Variants in ADCY2 observed in about 807,000 individuals in gnomAD.
ADCY2 encodes adenylate cyclase 2, also known as adenylate cyclase type 2.
In ADCY2, 31 loss-of-function variants were observed where a neutral mutation model predicts 125.2. The ratio of observed to expected loss-of-function variants is 0.25; its 90% CI spans 0.19 to 0.33. The LOEUF (loss-of-function observed/expected upper bound fraction) is 0.33, where lower values mean the gene tolerates loss of function less well. ADCY2 is among the 10% of genes least tolerant of loss of function. The pLI is 1.00. For synonymous variants in ADCY2, 512 were observed against 548.4 expected (o/e 0.93, Z 0.93); for missense variants, 904 against 1,418.2 (o/e 0.64, Z 5.82).
chr5:7,792,058 C>G (rs16879108), intron 20 of ADCY2, among the ~76,000 whole-genome samples: 49,935 of 151,572 alleles, frequency 0.33, 8,568 homozygotes, highest in Admixed American at 0.46. Flanking sequence ...CTGGAGCAGG[C>G]AGGAAGAGAG....
chr5:7,624,949 C>G (rs1167050822), intron 3 of ADCY2, among the ~76,000 whole-genome samples: 2 of 152,212 alleles, frequency 1.3e-5, no homozygotes, highest in Non-Finnish European at 2.9e-5. Context: ...TTGCCATGAA[C>G]ACACAAGAGC....
intron 11 of ADCY2, among the ~76,000 whole-genome samples, chr5:7,714,636 A>G (rs1052236791): frequency 6.6e-6 from 1 of 152,240 alleles, no homozygotes; most frequent in Admixed American, 6.5e-5. Flanking sequence ...GCAGAGCACA[A>G]GTTCCTAACT....
At chr5:7,553,620 C>T (rs530473447) in intron 3 of ADCY2, among the ~76,000 whole-genome samples, 8 of 152,310 alleles carry the variant, frequency 5.3e-5, no homozygotes, top group African/African-American at 1.9e-4. Context: ...AGAAGCATCA[C>T]CAAGACCCTG....
intron 3 of ADCY2, among the ~76,000 whole-genome samples, chr5:7,600,559 T>C (rs1392109559): frequency 2.0e-5 from 3 of 152,116 alleles, no homozygotes; most frequent in African/African-American, 7.2e-5. Flanking sequence ...AAGGCTGTAC[T>C]TAGTGACTTG....
intron 2 of ADCY2, among the ~76,000 whole-genome samples, chr5:7,446,691 C>T (rs1380338635): frequency 1.3e-5 from 2 of 152,174 alleles, no homozygotes; most frequent in Non-Finnish European, 2.9e-5. Flanking sequence ...AGTCAGCATT[C>T]TTGGTCTCAG....
intron 3 of ADCY2, among the ~76,000 whole-genome samples, chr5:7,618,951 C>T (rs1737856168): frequency 6.6e-6 from 1 of 152,076 alleles, no homozygotes; most frequent in Non-Finnish European, 1.5e-5. Context: ...CCTGTTGTGT[C>T]ATTACTTTGG....
At chr5:7,821,641 A>G (rs982720719) in intron 24 of ADCY2, among the ~76,000 whole-genome samples, 1 of 152,260 alleles carries the variant, frequency 6.6e-6, no homozygotes, top group Non-Finnish European at 1.5e-5. Flanking sequence ...GTTAGCCACC[A>G]GAAGTCACAG....
intron 1 of ADCY2, among the ~76,000 whole-genome samples, chr5:7,402,958 G>T (rs564184450): frequency 6.6e-6 from 1 of 152,204 alleles, no homozygotes; most frequent in East Asian, 1.9e-4. Flanking sequence ...TGGGAGCCCT[G>T]CCTGCAAGAT....
chr5:7,543,681 G>C (rs1382515791), intron 3 of ADCY2, among the ~76,000 whole-genome samples: 1 of 152,056 alleles, frequency 6.6e-6, no homozygotes, highest in Non-Finnish European at 1.5e-5. Flanking sequence ...AACCAAGGGA[G>C]AGATGCACTC....
chr5:7,804,573 A>G lies in ADCY2; in HGVS notation c.2776-12A>G, dbSNP rs368758758. 8.1e-6 allele frequency: 13 copies of G among 1,608,958 alleles called. No homozygotes were observed. Among genetic ancestry groups the G allele is most frequent in the Non-Finnish European group, 8.5e-7 (1 of 1,175,374 alleles). Reference sequence around the variant, plus strand: ...CCAGCTGAGTAACTGGACGGTTGTCATTGCTTCACAGCTTCTTTCCAAGCC... The same window carrying G: ...CCAGCTGAGTAACTGGACGGTTGTCGTTGCTTCACAGCTTCTTTCCAAGCC... On this transcript the variant is annotated splice_polypyrimidine_tract_variant and intron_variant, in intron 21 of 24. Coordinates refer to ENST00000338316, the MANE Select transcript of ADCY2 (RefSeq NM_020546.3).
intron 3 of ADCY2, among the ~76,000 whole-genome samples, chr5:7,581,465 C>T (rs1561107495): frequency 6.6e-6 from 1 of 151,474 alleles, no homozygotes; most frequent in Non-Finnish European, 1.5e-5. Flanking sequence ...GGTATAGCTG[C>T]AAATCCAATC....
chr5:7,743,102 T>G (rs980660286), intron 14 of ADCY2, among the ~76,000 whole-genome samples: 1 of 152,172 alleles, frequency 6.6e-6, no homozygotes, highest in Admixed American at 6.5e-5. Context: ...CACATGATCA[T>G]GGGATGCTTT....
chr5:7,624,544 C>A (rs893606794), intron 3 of ADCY2, among the ~76,000 whole-genome samples: 8 of 152,134 alleles, frequency 5.3e-5, no homozygotes, highest in Non-Finnish European at 8.8e-5. Flanking sequence ...GGGTAAGATG[C>A]AGAGGGTTCA....
At chr5:7,537,376 C>T (rs868057091) in intron 3 of ADCY2, among the ~76,000 whole-genome samples, 14 of 152,178 alleles carry the variant, frequency 9.2e-5, no homozygotes, top group South Asian at 6.2e-4. Flanking sequence ...TTAAGCATTT[C>T]CCAAAGTCAA....
chr5:7,507,268 C>G (rs1395869406), intron 2 of ADCY2, among the ~76,000 whole-genome samples: 1 of 145,200 alleles, frequency 6.9e-6, no homozygotes, highest in Non-Finnish European at 1.5e-5. Context: ...GGTGAAACCC[C>G]GTCTCTACTA....
At position 7,664,599 on chromosome 5, in the gene ADCY2, A is replaced by G. The variant is rs11948440; in HGVS notation, c.721-26092A>G. Among the ~76,000 whole-genome samples, 653 of 152,330 alleles carry G rather than the reference A, an allele frequency of 4.3e-3. 5 individuals carry two copies. The highest frequency in any genetic ancestry group is 0.014 in the African/African-American group (574 of 41,580). On this transcript the variant is annotated intron_variant, in intron 4 of 24. Transcript: ENST00000338316. ...CCTGTATATCATGACTTACTTTCCA[A>G]TCTGAGCATAACGAGGAAGAAAATC... is the stretch of plus-strand genomic sequence containing the variant.
chr5:7,745,030 T>C (rs1204553389), intron 15 of ADCY2, among the ~76,000 whole-genome samples: 1 of 152,222 alleles, frequency 6.6e-6, no homozygotes, highest in Non-Finnish European at 1.5e-5. Context: ...GAATTTTTTC[T>C]CATTCTGCAT....
chr5:7,540,900 C>T (rs1405704615), intron 3 of ADCY2, among the ~76,000 whole-genome samples: 3 of 152,142 alleles, frequency 2.0e-5, no homozygotes, highest in Non-Finnish European at 1.5e-5. Flanking sequence ...AAAAGGCACT[C>T]GAGGACTTCC....
intron 18 of ADCY2, among the ~76,000 whole-genome samples, chr5:7,780,338 G>A (rs1343673900): frequency 6.6e-6 from 1 of 152,158 alleles, no homozygotes; most frequent in Non-Finnish European, 1.5e-5. Context: ...TTATCAATTC[G>A]GACAAGACAT....
Sources: allele counts gnomAD v4.1 joint callset (sites outside exome capture counted in the v4.1 genomes callset), GRCh38; gene constraint gnomAD v4.1.1; transcripts MANE v1.5; gene names NCBI Gene and HGNC (gene_info 2026-07-23, HGNC 2026-07-21).